Variants in EYS observed in about 807,000 individuals in gnomAD.
The protein encoded by EYS is protein eyes shut homolog.
A neutral mutation model predicts 282.1 loss-of-function variants in EYS; 250 were observed. The ratio of observed to expected loss-of-function variants is 0.89; its 90% CI spans 0.80 to 0.98. EYS has a LOEUF of 0.98. Ranked by LOEUF, EYS falls within the 50% of genes least tolerant of loss-of-function variation. The pLI is 0.00. For synonymous variants in EYS, 1,355 were observed against 1,282.9 expected (o/e 1.06, Z -1.20); for missense variants, 4,016 against 3,709.0 (o/e 1.08, Z -2.15).
Position 65,553,851 on chromosome 6 carries a change from C to G in EYS, c.-332-57858G>C, listed in dbSNP as rs556087288. ...AGGAAGTTATTTATTATTACATACT[C>G]ATATTCATTAATCAAAATATATAAA... On this transcript the variant is annotated intron_variant, in intron 2 of 42. Transcript: ENST00000503581. 9.3e-4 allele frequency among the ~76,000 whole-genome samples: 142 copies of G among 151,890 alleles called. 1 individual carries two copies. The highest frequency in any genetic ancestry group is 3.3e-3 in the African/African-American group (136 of 41,330).
At chr6:63,800,392 A>T (rs1443688323) in intron 37 of EYS, among the ~76,000 whole-genome samples, 2 of 152,250 alleles carry the variant, frequency 1.3e-5, no homozygotes, top group Non-Finnish European at 2.9e-5. Flanking sequence ...TATATGTGAC[A>T]GCCACTATTG....
intron 22 of EYS, among the ~76,000 whole-genome samples, chr6:64,802,030 T>TTG (rs1554204711): frequency 8.6e-6 from 1 of 115,840 alleles, no homozygotes; most frequent in African/African-American, 3.3e-5. Context: ...TTTCTTTTTT[T>TTG]TTCTTTTTTT....
Position 65,646,919 on chromosome 6 carries a change from G to A in EYS, c.-447-7027C>T, listed in dbSNP as rs558516735. Among the ~76,000 whole-genome samples, 9 of 151,692 alleles carry A rather than the reference G, an allele frequency of 5.9e-5. No homozygotes were observed. The East Asian group carries it at 1.6e-3, about 26-fold the overall frequency. On this transcript the variant is annotated intron_variant, in intron 1 of 42. Transcript: ENST00000503581. ...ATTAAGAACCACTTTTACAATAACAGCATAAAAAATAAAATACTTCAAAAA... is the reference window on the plus strand; with the variant it reads ...ATTAAGAACCACTTTTACAATAACAACATAAAAAATAAAATACTTCAAAAA...
chr6:64,940,680 T>C (rs1372002492), intron 15 of EYS, among the ~76,000 whole-genome samples: 1 of 152,078 alleles, frequency 6.6e-6, no homozygotes, highest in African/African-American at 2.4e-5. Flanking sequence ...AGTTTTCCTA[T>C]ATTACCAAAA....
chr6:64,817,420 T>G (rs1764769843), intron 21 of EYS, among the ~76,000 whole-genome samples: 1 of 152,096 alleles, frequency 6.6e-6, no homozygotes, highest in Admixed American at 6.6e-5. Flanking sequence ...AAATGTAAAT[T>G]ATATTAAATA....
chr6:65,369,254 A>AGT (rs958838972), intron 8 of EYS, among the ~76,000 whole-genome samples: 4 of 144,676 alleles, frequency 2.8e-5, no homozygotes, highest in Admixed American at 7.5e-5. Flanking sequence ...GTGACCAAGC[A>AGT]GTGTGTGTGT....
At chr6:65,674,340 T>C (rs572452918) in intron 1 of EYS, among the ~76,000 whole-genome samples, 2 of 150,750 alleles carry the variant, frequency 1.3e-5, no homozygotes, top group East Asian at 3.9e-4. Flanking sequence ...TGTAATCACA[T>C]TGTCAGAAAT....
At chr6:65,411,022 T>C (rs1766994227) in intron 5 of EYS, among the ~76,000 whole-genome samples, 1 of 152,030 alleles carries the variant, frequency 6.6e-6, no homozygotes, top group South Asian at 2.1e-4. Flanking sequence ...CACATCTGGT[T>C]AATTAATGGA....
At chr6:65,692,279 G>T (rs1453055029) in intron 1 of EYS, among the ~76,000 whole-genome samples, 1 of 150,010 alleles carries the variant, frequency 6.7e-6, no homozygotes, top group South Asian at 2.1e-4. Flanking sequence ...GGGAGGTGAC[G>T]AATGAGAAAT....
chr6:65,422,225 CTGAG>C (rs938958699), intron 5 of EYS, among the ~76,000 whole-genome samples: 1 of 151,884 alleles, frequency 6.6e-6, no homozygotes, highest in African/African-American at 2.4e-5. Context: ...TGGTTCTATA[CTGAG>C]TAGCACATTT....
chr6:65,615,703 G>A (rs1766167366), intron 2 of EYS, among the ~76,000 whole-genome samples: 1 of 151,984 alleles, frequency 6.6e-6, no homozygotes. Context: ...GGGAGGCCAA[G>A]GCGGGCAGAT....
intron 19 of EYS, among the ~76,000 whole-genome samples, chr6:64,827,809 C>G (rs1456738016): frequency 6.6e-6 from 1 of 151,700 alleles, no homozygotes; most frequent in Non-Finnish European, 1.5e-5. Context: ...GGCAGTCCAG[C>G]AAATGCTATT....
intron 31 of EYS, among the ~76,000 whole-genome samples, chr6:64,089,141 T>C (rs1772263663): frequency 6.6e-6 from 1 of 151,870 alleles, no homozygotes; most frequent in African/African-American, 2.4e-5. Context: ...AAAAAGAAGG[T>C]GACTGAAATG....
rs1392770739 is a variant in EYS, at chr6:64,573,071, C to G, written c.5644+17152G>C. ...AAACAGCATGGGACTGGCACCAAAA[C>G]AGACATACAGACCAATGGAACAGAA... On this transcript the variant is annotated intron_variant, in intron 26 of 42. Transcript: ENST00000503581. Among the ~76,000 whole-genome samples, 3 of 152,144 alleles carry G rather than the reference C, an allele frequency of 2.0e-5. No homozygotes were observed. The East Asian group carries it at 5.8e-4, about 29-fold the overall frequency.
At chr6:63,967,588 C>G (rs539597706) in intron 35 of EYS, among the ~76,000 whole-genome samples, 1 of 152,220 alleles carries the variant, frequency 6.6e-6, no homozygotes, top group African/African-American at 2.4e-5. Flanking sequence ...TGACGATAAG[C>G]AAGTTTGGAA....
intron 31 of EYS, among the ~76,000 whole-genome samples, chr6:64,206,715 C>CTA (rs1370719296): frequency 6.6e-6 from 1 of 152,120 alleles, no homozygotes; most frequent in Non-Finnish European, 1.5e-5. Flanking sequence ...CCGTCTTACA[C>CTA]TATATTGATT....
intron 1 of EYS, among the ~76,000 whole-genome samples, chr6:65,700,990 A>G (rs1348586059): frequency 6.6e-6 from 1 of 152,014 alleles, no homozygotes; most frequent in Non-Finnish European, 1.5e-5. Context: ...TCATAGTGTG[A>G]TTTACTGTAT....
At chr6:64,019,986 A>G (rs1769108142) in intron 33 of EYS, among the ~76,000 whole-genome samples, 1 of 151,872 alleles carries the variant, frequency 6.6e-6, no homozygotes, top group South Asian at 2.1e-4. Flanking sequence ...TCAGAAAGCA[A>G]TAGTGTATCT....
At chr6:64,888,166 G>A (rs1267974359) in intron 18 of EYS, among the ~76,000 whole-genome samples, 1 of 151,868 alleles carries the variant, frequency 6.6e-6, no homozygotes, top group Admixed American at 6.6e-5. Flanking sequence ...TGATTGATGG[G>A]TGCAAAATTA....
Sources: allele counts gnomAD v4.1 joint callset (sites outside exome capture counted in the v4.1 genomes callset), GRCh38; gene constraint gnomAD v4.1.1; transcripts MANE v1.5; gene names NCBI Gene and HGNC (gene_info 2026-07-23, HGNC 2026-07-21).